Variants in WT1 observed in about 807,000 individuals in gnomAD.
WT1 encodes WT1 transcription factor, also known as Wilms tumor protein.
In WT1, 8 loss-of-function variants were observed where a neutral mutation model predicts 60.8. The ratio of observed to expected loss-of-function variants is 0.13; its 90% CI spans 0.08 to 0.24. WT1 has a LOEUF of 0.24. Among genes scored for constraint, WT1 ranks in the 10% least tolerant of loss-of-function variants. The pLI is 1.00. For synonymous variants in WT1, 312 were observed against 297.1 expected (o/e 1.05, Z -0.52); for missense variants, 568 against 711.8 (o/e 0.80, Z 2.30).
chr11:32,392,703 A>G lies in WT1; in HGVS notation c.1317T>C (p.Arg439=). 1 of 1,614,110 alleles carries G rather than the reference A, an allele frequency of 6.2e-7. No homozygotes were observed. The highest frequency in any genetic ancestry group is 8.5e-7 in the Non-Finnish European group (1 of 1,179,970). ...TTTGGTGTCTTTTGAGCTGGTCTGAACGAGAAAACCTTCGTTCACAGTCCT... is the reference window on the plus strand; with the variant it reads ...TTTGGTGTCTTTTGAGCTGGTCTGAGCGAGAAAACCTTCGTTCACAGTCCT... The change falls in exon 8 of 10, where the codon CGT becomes CGC. Residue 439 remains arginine (R), a synonymous_variant. Transcript: ENST00000452863.
chr11:32,428,590 G>A lies in WT1; in HGVS notation c.691C>T (p.Pro231Ser), dbSNP rs766425764. 5 of 1,613,874 alleles carry A rather than the reference G, an allele frequency of 3.1e-6. No individual in the cohort carries two copies. The Admixed American group carries it at 5.0e-5, about 16-fold the overall frequency. ...TGCGAGGGCGTGTGACCGTAGCTGG[G>A]CGTCCCGTCGAAGGTGACCGTGCTG... The change falls in exon 2 of 10, where the codon CCC (proline) becomes TCC (serine). Residue 231 changes from proline to serine, a missense_variant. Transcript: ENST00000452863.
At position 32,435,189 on chromosome 11, in the gene WT1, G is replaced by C. The variant is rs1412425868; in HGVS notation, c.172C>G (p.Leu58Val). The change falls in exon 1 of 10, where the codon CTC becomes GTC. Residue 58 changes from leucine to valine, a missense_variant. Around this residue, in one of 3 missense-constraint regions of WT1, gnomAD observed 523 missense variants for 565.1 expected, o/e 0.93. Coordinates refer to ENST00000452863, the MANE Select transcript of WT1 (RefSeq NM_024426.6). ...GCCCCGCGGCTCCTCCGGCCCTGGA[G>C]ACGTTCAGCGCTGGCCTCGGCGGCG... 1.3e-6 allele frequency: 2 copies of C among 1,526,954 alleles called. No individual in the cohort carries two copies. The highest frequency in any genetic ancestry group is 1.8e-6 in the Non-Finnish European group (2 of 1,142,492). 94.6% of individuals were successfully genotyped at this position (1,526,954 alleles called of 1,614,324 possible).
At chr11:32,421,211 C>G (rs1351550604) in intron 3 of WT1, among the ~76,000 whole-genome samples, 1 of 152,226 alleles carries the variant, frequency 6.6e-6, no homozygotes, top group Non-Finnish European at 1.5e-5. Context: ...ACACCCAGCT[C>G]TCATCATGGA....
At position 32,388,657 on chromosome 11, in the gene WT1, T is replaced by C. The variant is rs1276255646; in HGVS notation, c.*401A>G. The C allele has an allele frequency of 3.0e-6, 1 of 329,558 alleles. No individual in the cohort carries two copies. Among genetic ancestry groups the C allele is most frequent in the Admixed American group, 4.4e-5 (1 of 22,480 alleles). 20.4% of individuals were successfully genotyped at this position (329,558 alleles called of 1,614,324 possible). A position where few individuals can be genotyped will look rare whatever the true frequency, so the allele number is the denominator to read the frequency against. ...GTTTACATTAGCAGACACATACACA[T>C]GCCCTGGCCTATAAATATTCCATGA... On this transcript the variant is annotated 3_prime_UTR_variant, in exon 10 of 10. Coordinates refer to ENST00000452863, the MANE Select transcript of WT1 (RefSeq NM_024426.6).
At chr11:32,410,615 T>C (rs534530480) in intron 5 of WT1, among the ~76,000 whole-genome samples, 1 of 152,352 alleles carries the variant, frequency 6.6e-6, no homozygotes, top group South Asian at 2.1e-4. Flanking sequence ...TTAATTTTCT[T>C]TTCCTCTTTA....
chr11:32,423,777 G>A (rs1196379615), intron 3 of WT1, among the ~76,000 whole-genome samples: 1 of 152,230 alleles, frequency 6.6e-6, no homozygotes, highest in Non-Finnish European at 1.5e-5. Context: ...TCACTAGGTA[G>A]ATTAAATAAG....
At chr11:32,401,752 C>T (rs867443046) in intron 5 of WT1, among the ~76,000 whole-genome samples, 26 of 152,252 alleles carry the variant, frequency 1.7e-4, no homozygotes, top group African/African-American at 5.8e-4. Context: ...GTTGGCCAGG[C>T]CAGTCTCGAA....
chr11:32,408,138 G>A (rs1852376017), intron 5 of WT1, among the ~76,000 whole-genome samples: 1 of 150,284 alleles, frequency 6.7e-6, no homozygotes, highest in African/African-American at 2.5e-5. Context: ...CAGGGGAATC[G>A]CTTGAACCAG....
At chr11:32,434,668 C>G (rs761444010) in intron 1 of WT1, 32 bp downstream of exon 1, 3 of 1,612,310 alleles carry the variant, frequency 1.9e-6, no homozygotes, top group South Asian at 1.1e-5. Flanking sequence ...GCCACTGCCC[C>G]GCGCGTAGGG....
intron 5 of WT1, among the ~76,000 whole-genome samples, chr11:32,400,813 C>T (rs1440339824): frequency 6.6e-6 from 1 of 152,228 alleles, no homozygotes; most frequent in Non-Finnish European, 1.5e-5. Context: ...ATTTTACTTC[C>T]AGATGAGATG....
At chr11:32,392,178 G>A in intron 8 of WT1, 114 bp from the exon 9 acceptor site, 1 of 898,070 alleles carries the variant, frequency 1.1e-6, no homozygotes, top group South Asian at 1.3e-5. Flanking sequence ...TGCCTGCAAT[G>A]TCTGCATCTG....
chr11:32,423,449 C>G (rs1375797966), intron 3 of WT1, among the ~76,000 whole-genome samples: 3 of 152,218 alleles, frequency 2.0e-5, no homozygotes, highest in Non-Finnish European at 4.4e-5. Flanking sequence ...AACGCTGTCC[C>G]AAACCACTAA....
intron 5 of WT1, among the ~76,000 whole-genome samples, chr11:32,415,347 G>T (rs1852632215): frequency 6.9e-6 from 1 of 145,796 alleles, no homozygotes; most frequent in African/African-American, 2.8e-5. Flanking sequence ...AACTTAAGAC[G>T]AGTTAAGAAC....
At chr11:32,431,432 C>T (rs1853305023) in intron 1 of WT1, among the ~76,000 whole-genome samples, 1 of 129,182 alleles carries the variant, frequency 7.7e-6, no homozygotes, top group African/African-American at 3.6e-5. Flanking sequence ...AGCAGGCAAC[C>T]TCTTTTTTTT....
intron 5 of WT1, among the ~76,000 whole-genome samples, chr11:32,403,266 G>A (rs1852210005): frequency 6.6e-6 from 1 of 152,178 alleles, no homozygotes; most frequent in African/African-American, 2.4e-5. Context: ...TCCCAATGTA[G>A]TGTGCCCAGA....
chr11:32,408,374 G>A (rs1417262642), intron 5 of WT1, among the ~76,000 whole-genome samples: 1 of 151,846 alleles, frequency 6.6e-6, no homozygotes, highest in Non-Finnish European at 1.5e-5. Context: ...CATTAGCCGG[G>A]TGTCGTGGCG....
chr11:32,435,175 C>T lies in WT1; in HGVS notation c.186G>A (p.Arg62=), dbSNP rs1294714508. ...GCTCAGACCCGGACGCCCCGCGGCTCCTCCGGCCCTGGAGACGTTCAGCGC... is the reference window on the plus strand; with the variant it reads ...GCTCAGACCCGGACGCCCCGCGGCTTCTCCGGCCCTGGAGACGTTCAGCGC... Residue 62 remains arginine (R), a synonymous_variant, in exon 1 of 10, where the codon AGG becomes AGA. Transcript: ENST00000452863. 4.5e-5 allele frequency: 69 copies of T among 1,522,142 alleles called. No individual in the cohort carries two copies. Among genetic ancestry groups the T allele is most frequent in the Non-Finnish European group, 5.9e-5 (67 of 1,140,524 alleles). The allele number at this position is 1,522,142 out of a possible 1,614,324, so 94.3% of individuals were successfully genotyped here. A position where few individuals can be genotyped will look rare whatever the true frequency, so the allele number is the denominator to read the frequency against.
chr11:32,414,872 CAAAAAAAA>C (rs551997180), intron 5 of WT1, among the ~76,000 whole-genome samples: 1 of 88,764 alleles, frequency 1.1e-5, no homozygotes, highest in Admixed American at 1.2e-4. Flanking sequence ...GACTCCATAT[CAAAAAAAA>C]AAAAAAAAAG....
At chr11:32,401,653 C>A (rs5030248) in intron 5 of WT1, among the ~76,000 whole-genome samples, 4,601 of 152,096 alleles carry the variant, frequency 0.03, 248 homozygotes, top group African/African-American at 0.1. Flanking sequence ...GATTCTCCTG[C>A]CTCAGCCTCC....
Sources: allele counts gnomAD v4.1 joint callset (sites outside exome capture counted in the v4.1 genomes callset), GRCh38; gene constraint gnomAD v4.1.1; regional missense constraint gnomAD v4.1.1; transcripts MANE v1.5; gene names NCBI Gene and HGNC (gene_info 2026-07-23, HGNC 2026-07-21).